Variants in SDK1 observed in about 807,000 individuals in gnomAD.
The protein encoded by SDK1 is sidekick cell adhesion molecule 1, also known as protein sidekick-1.
In SDK1, 157 loss-of-function variants were observed where a neutral mutation model predicts 245.5. That is an observed-to-expected ratio of 0.64 (90% confidence interval 0.56 to 0.73). The LOEUF is 0.73. Ranked by LOEUF, SDK1 falls within the 30% of genes least tolerant of loss-of-function variation. The pLI is 0.00. For missense variants in SDK1, 3,583 were observed against 3,002.3 expected, an observed-to-expected ratio of 1.19 and a Z score of -4.52; for synonymous variants, 1,647 against 1,278.5, an observed-to-expected ratio of 1.29 and a Z score of -6.15.
intron 4 of SDK1, among the ~76,000 whole-genome samples, chr7:3,784,044 C>T (rs1780827664): frequency 6.6e-6 from 1 of 151,644 alleles, no homozygotes; most frequent in African/African-American, 2.4e-5. Flanking sequence ...TGAACCCATG[C>T]ATATGATTTA....
chr7:3,464,617 G>C (rs1304465128), intron 1 of SDK1, among the ~76,000 whole-genome samples: 1 of 151,678 alleles, frequency 6.6e-6, no homozygotes, highest in Non-Finnish European at 1.5e-5. Flanking sequence ...GTTTTTTCAA[G>C]TCAACATTTA....
At position 3,723,893 on chromosome 7, in the gene SDK1, C is replaced by T. The variant is rs192316426; in HGVS notation, c.713+81788C>T. On this transcript the variant is annotated intron_variant, in intron 4 of 44. Transcript: ENST00000404826. ...ATATACACGTACATATATATATACA[C>T]GTGTATATACACGTACATATATATA... Among the ~76,000 whole-genome samples, 357 of 127,950 alleles carry T rather than the reference C, an allele frequency of 2.8e-3. 14 individuals carry two copies. The highest frequency in any genetic ancestry group is 4.2e-3 in the Non-Finnish European group (264 of 62,496). The allele number at this position is 127,950 out of a possible 152,430, so 83.9% of individuals were successfully genotyped here. A position where few individuals can be genotyped will look rare whatever the true frequency, so the allele number is the denominator to read the frequency against.
At chr7:3,489,451 T>C (rs553506234) in intron 1 of SDK1, among the ~76,000 whole-genome samples, 318 of 152,324 alleles carry the variant, frequency 2.1e-3, no homozygotes, top group Non-Finnish European at 3.8e-3. Context: ...ATATCAGATA[T>C]ATATATTTTT....
At chr7:4,035,011 C>T (rs1788111145) in intron 17 of SDK1, among the ~76,000 whole-genome samples, 2 of 152,198 alleles carry the variant, frequency 1.3e-5, no homozygotes, top group African/African-American at 4.8e-5. Context: ...CGGAGTCTTG[C>T]TCTGTTGCCC....
In SDK1 at chr7:3,825,677, A is replaced by G. The variant is rs78295615; in HGVS notation, c.847+4094A>G. On this transcript the variant is annotated intron_variant, in intron 5 of 44. Coordinates refer to ENST00000404826, the MANE Select transcript of SDK1 (RefSeq NM_152744.4). ...TCCTCTATAATGCTAATTTAACTGC[A>G]GACTCACGTAGGGTTAGTAGTTGAA... Among the ~76,000 whole-genome samples, 33 of 152,324 alleles carry G rather than the reference A, an allele frequency of 2.2e-4. 1 individual carries two copies. In the East Asian group the frequency reaches 6.4e-3, roughly 29 times the overall value.
chr7:3,863,220 G>A (rs1301466769), intron 5 of SDK1, among the ~76,000 whole-genome samples: 1 of 152,138 alleles, frequency 6.6e-6, no homozygotes, highest in Non-Finnish European at 1.5e-5. Flanking sequence ...GGAACACAGG[G>A]AATGAATAGT....
At position 3,969,535 on chromosome 7, in the gene SDK1, A is replaced by G. The variant is rs936232538; in HGVS notation, c.1714+111A>G. 13 of 725,986 alleles carry G rather than the reference A, an allele frequency of 1.8e-5. 1 individual carries two copies. The highest frequency in any genetic ancestry group is 1.5e-4 in the African/African-American group (8 of 54,970). 45.0% of individuals were successfully genotyped at this position (725,986 alleles called of 1,614,324 possible). A position where few individuals can be genotyped will look rare whatever the true frequency, so the allele number is the denominator to read the frequency against. Reference sequence around the variant, plus strand: ...CCTTGGGCTTGCTAATTTAATCAAAAGAGAATGATTATTTTTACAACTAAT... The same window carrying G: ...CCTTGGGCTTGCTAATTTAATCAAAGGAGAATGATTATTTTTACAACTAAT... On this transcript the variant is annotated intron_variant, in intron 11 of 44. Coordinates refer to ENST00000404826, the MANE Select transcript of SDK1 (RefSeq NM_152744.4).
At chr7:4,171,264 T>G (rs1241058248) in intron 32 of SDK1, among the ~76,000 whole-genome samples, 1 of 152,198 alleles carries the variant, frequency 6.6e-6, no homozygotes, top group African/African-American at 2.4e-5. Flanking sequence ...GGAGAGACCC[T>G]CATCTGTGCT....
At chr7:3,719,277 G>C (rs1395908754) in intron 4 of SDK1, among the ~76,000 whole-genome samples, 1 of 143,562 alleles carries the variant, frequency 7.0e-6, no homozygotes, top group Non-Finnish European at 1.5e-5. Flanking sequence ...ATAGGTACTA[G>C]ACCTAGACAG....
At chr7:4,092,806 C>T (rs1225441507) in intron 22 of SDK1, among the ~76,000 whole-genome samples, 1 of 152,162 alleles carries the variant, frequency 6.6e-6, no homozygotes, top group African/African-American at 2.4e-5. Context: ...GTCCTAACAG[C>T]CAAGCCCCGT....
At chr7:3,652,877 C>G (rs117934031) in intron 4 of SDK1, among the ~76,000 whole-genome samples, 1 of 152,028 alleles carries the variant, frequency 6.6e-6, no homozygotes, top group Non-Finnish European at 1.5e-5. Flanking sequence ...CGATTGTCTC[C>G]GAGCTTTATA....
intron 32 of SDK1, among the ~76,000 whole-genome samples, chr7:4,168,435 A>C (rs1476428282): frequency 6.6e-6 from 1 of 152,238 alleles, no homozygotes; most frequent in Non-Finnish European, 1.5e-5. Flanking sequence ...CTGTGAGTCC[A>C]GGATCAGTAA....
intron 1 of SDK1, among the ~76,000 whole-genome samples, chr7:3,601,750 A>T (rs1206338574): frequency 2.0e-5 from 3 of 151,790 alleles, no homozygotes; most frequent in Non-Finnish European, 2.9e-5. Flanking sequence ...ATATGTATAC[A>T]TGTGCCATGT....
intron 4 of SDK1, among the ~76,000 whole-genome samples, chr7:3,686,487 A>T (rs1179867470): frequency 6.6e-6 from 1 of 152,236 alleles, no homozygotes; most frequent in Admixed American, 6.5e-5. Flanking sequence ...CATGGGCTGT[A>T]CAAGGACACA....
chr7:3,772,930 T>C (rs557543915), intron 4 of SDK1, among the ~76,000 whole-genome samples: 32 of 152,350 alleles, frequency 2.1e-4, no homozygotes, highest in African/African-American at 6.7e-4. Context: ...ATCCCATGTA[T>C]CGTGATGAAT....
chr7:3,607,576 C>A (rs920096661), intron 1 of SDK1, among the ~76,000 whole-genome samples: 1 of 152,128 alleles, frequency 6.6e-6, no homozygotes, highest in Non-Finnish European at 1.5e-5. Flanking sequence ...ATAATCAAAC[C>A]AATATCTAGA....
intron 22 of SDK1, among the ~76,000 whole-genome samples, chr7:4,090,156 G>C (rs907867046): frequency 4.6e-5 from 7 of 152,148 alleles, no homozygotes; most frequent in Non-Finnish European, 1.0e-4. Context: ...TTGCTAACTT[G>C]ACTGAGATTT....
At chr7:4,186,876 C>T (rs147788293) in intron 35 of SDK1, among the ~76,000 whole-genome samples, 17 of 152,270 alleles carry the variant, frequency 1.1e-4, no homozygotes, top group Admixed American at 5.9e-4. Context: ...TCCTCCTCCA[C>T]GGGCCTTCTC....
chr7:3,925,454 A>G (rs1431882644), intron 5 of SDK1, among the ~76,000 whole-genome samples: 1 of 152,194 alleles, frequency 6.6e-6, no homozygotes, highest in East Asian at 1.9e-4. Flanking sequence ...CGGCGTTTCT[A>G]CCCTCATCAG....
Sources: gnomAD v4.1 joint callset for allele counts (sites outside exome capture counted in the v4.1 genomes callset) on GRCh38, gnomAD v4.1.1 for gene constraint, MANE v1.5 for transcripts, NCBI Gene and HGNC (gene_info 2026-07-23, HGNC 2026-07-21) for gene names.